UBE2D3: variants seen among roughly 807,000 people sequenced by gnomAD.
UBE2D3 encodes the protein ubiquitin conjugating enzyme E2 D3, also known as ubiquitin-conjugating enzyme E2 D3.
A neutral mutation model predicts 22.8 loss-of-function variants in UBE2D3; 2 were observed. The ratio of observed to expected loss-of-function variants is 0.09; its 90% CI spans 0.04 to 0.28. The LOEUF is 0.28. UBE2D3 is among the 10% of genes least tolerant of loss of function. UBE2D3 has a pLI of 1.00. For synonymous variants in UBE2D3, 56 were observed against 60.4 expected, an observed-to-expected ratio of 0.93 and a Z score of 0.34; for missense variants, 27 against 182.5, an observed-to-expected ratio of 0.15 and a Z score of 4.91.
chr4:102,857,030 C>T (rs549928674), intron 1 of UBE2D3, among the ~76,000 whole-genome samples: 10 of 152,214 alleles, frequency 6.6e-5, no homozygotes, highest in Middle Eastern at 3.4e-3. Flanking sequence ...CACAGAGTGA[C>T]CCCTAATGTT....
At chr4:102,811,539 ACG>A in intron 2 of UBE2D3, 1 of 107,762 alleles carries the variant, frequency 9.3e-6, no homozygotes, top group Middle Eastern at 2.3e-3. Context: ...AAAATTAGCC[ACG>A]CATAGTGCAC....
intron 2 of UBE2D3, among the ~76,000 whole-genome samples, chr4:102,820,186 T>C (rs1210915589): frequency 6.6e-6 from 1 of 152,224 alleles, no homozygotes; most frequent in Non-Finnish European, 1.5e-5. Flanking sequence ...AGGCAGACAG[T>C]AACTACTGTA....
intron 1 of UBE2D3, among the ~76,000 whole-genome samples, chr4:102,846,828 G>A (rs1467579551): frequency 6.7e-6 from 1 of 149,626 alleles, no homozygotes; most frequent in East Asian, 1.9e-4. Context: ...TTTTTTTTTA[G>A]AGACAGAGCC....
At chr4:102,831,826 C>G (rs191336030), upstream of UBE2D3, among the ~76,000 whole-genome samples, 21 of 152,258 alleles carry the variant, frequency 1.4e-4, no homozygotes, top group East Asian at 3.9e-3. Context: ...GTTTGTCAAT[C>G]AGTGATACTT....
At chr4:102,861,989 C>G (rs1732922616) in intron 1 of UBE2D3, among the ~76,000 whole-genome samples, 1 of 151,912 alleles carries the variant, frequency 6.6e-6, no homozygotes, top group South Asian at 2.1e-4. Context: ...ATAATCATAC[C>G]TCACTGTAAC....
Position 102,827,449 on chromosome 4 carries a change from A to G in UBE2D3, c.-151T>C. On this transcript the variant is annotated 5_prime_UTR_variant, in exon 1 of 8. Transcript: ENST00000453744. ...TACAGAGGGGCCGGGGCCTCCCTCA[A>G]GCTGCGGCCTCGGCCTCCTCCCCGC... 3 of 986,110 alleles carry G rather than the reference A, an allele frequency of 3.0e-6. No individual in the cohort carries two copies. The highest frequency in any genetic ancestry group is 3.6e-6 in the Non-Finnish European group (3 of 830,166). 61.1% of individuals were successfully genotyped at this position (986,110 alleles called of 1,614,324 possible). A position where few individuals can be genotyped will look rare whatever the true frequency, so the allele number is the denominator to read the frequency against.
chr4:102,855,817 A>G (rs1239726271), intron 1 of UBE2D3, among the ~76,000 whole-genome samples: 1 of 152,256 alleles, frequency 6.6e-6, no homozygotes, highest in African/African-American at 2.4e-5. Flanking sequence ...CATGTGGGAC[A>G]TGGCAAGGGG....
intron 2 of UBE2D3, among the ~76,000 whole-genome samples, chr4:102,818,143 T>C (rs995787246): frequency 1.8e-4 from 28 of 152,282 alleles, no homozygotes; most frequent in African/African-American, 5.8e-4. Flanking sequence ...AAATGTTTGG[T>C]TGGGGACACT....
At chr4:102,868,790 T>A in exon 1 of UBE2D3, 5 of 1,612,434 alleles carry the variant, frequency 3.1e-6, no homozygotes, top group Non-Finnish European at 4.2e-6. Context: ...TCTGCTGGTC[T>A]CCAGCATCTA....
intron 4 of UBE2D3, 134 bp from the exon 5 acceptor site, chr4:102,802,772 T>C: frequency 3.6e-6 from 2 of 560,698 alleles, no homozygotes; most frequent in South Asian, 7.9e-5. Context: ...ATCTATTCCA[T>C]GAAAATTCAG....
intron 2 of UBE2D3, chr4:102,810,683 C>A (rs1318356462): frequency 1.3e-5 from 2 of 152,154 alleles, no homozygotes; most frequent in African/African-American, 4.8e-5. Flanking sequence ...AACATATAGT[C>A]TGCACAATTC....
At chr4:102,837,504 T>C (rs1489769990) in intron 1 of UBE2D3, among the ~76,000 whole-genome samples, 1 of 152,242 alleles carries the variant, frequency 6.6e-6, no homozygotes, top group Non-Finnish European at 1.5e-5. Context: ...TAGTATGTTT[T>C]AGCAATAAAG....
intron 2 of UBE2D3, among the ~76,000 whole-genome samples, chr4:102,813,632 A>G (rs556619525): frequency 1.3e-5 from 2 of 152,348 alleles, no homozygotes; most frequent in East Asian, 3.9e-4. Context: ...TAATAAACAA[A>G]TGATGTTTAT....
intron 1 of UBE2D3, among the ~76,000 whole-genome samples, chr4:102,867,804 A>G (rs1432042108): frequency 5.9e-5 from 9 of 152,210 alleles, no homozygotes; most frequent in Non-Finnish European, 1.5e-5. Flanking sequence ...AACAACAACA[A>G]CAACAACAAA....
At chr4:102,859,819 T>A (rs1199799090) in intron 1 of UBE2D3, among the ~76,000 whole-genome samples, 1 of 151,404 alleles carries the variant, frequency 6.6e-6, no homozygotes, top group East Asian at 1.9e-4. Flanking sequence ...TTCAGTTCAG[T>A]TATTGTGTTC....
intron 4 of UBE2D3, among the ~76,000 whole-genome samples, chr4:102,806,590 T>G (rs1727081786): frequency 6.6e-6 from 1 of 152,184 alleles, no homozygotes; most frequent in Non-Finnish European, 1.5e-5. Flanking sequence ...TTTTTCTGGT[T>G]GACTATGCTC....
At chr4:102,811,917 G>A (rs979859311) in intron 2 of UBE2D3, 10 of 250,354 alleles carry the variant, frequency 4.0e-5, no homozygotes, top group South Asian at 1.0e-4. Context: ...CAATGCATCC[G>A]TGTATAACTA....
At chr4:102,811,829 T>G (rs1161589995) in intron 2 of UBE2D3, 1 of 429,704 alleles carries the variant, frequency 2.3e-6, no homozygotes, top group Admixed American at 2.9e-5. Context: ...CCAGCTTGGA[T>G]AACATAGTGA....
At chr4:102,825,601 A>G in intron 2 of UBE2D3, 2 of 1,222,528 alleles carry the variant, frequency 1.6e-6, no homozygotes, top group Non-Finnish European at 2.1e-6. Context: ...GGTTCCGCTC[A>G]CTCCCAGAGC....
Sources: allele counts gnomAD v4.1 joint callset (sites outside exome capture counted in the v4.1 genomes callset), GRCh38; gene constraint gnomAD v4.1.1; transcripts MANE v1.5; gene names NCBI Gene and HGNC (gene_info 2026-07-23, HGNC 2026-07-21).